ABHD3: variants seen among roughly 807,000 people sequenced by gnomAD.
The protein encoded by ABHD3 is abhydrolase domain containing 3, phospholipase.
ABHD3 carries 46 observed loss-of-function variants against 48.8 expected under a neutral mutation model. The observed-to-expected ratio is 0.94, with a 90% CI of 0.74 to 1.20. The LOEUF (loss-of-function observed/expected upper bound fraction) is 1.20. Among genes scored for constraint, ABHD3 ranks in the 50% most tolerant of loss-of-function variants. The pLI, the probability that ABHD3 is intolerant of heterozygous loss-of-function variation, is 0.00. For missense variants in ABHD3, 490 were observed against 497.8 expected, an observed-to-expected ratio of 0.98 and a Z score of 0.15; for synonymous variants, 192 against 183.7, an observed-to-expected ratio of 1.04 and a Z score of -0.36.
At chr18:21,667,223 A>G (rs933286343) in intron 4 of ABHD3, among the ~76,000 whole-genome samples, 9 of 106,538 alleles carry the variant, frequency 8.4e-5, no homozygotes, top group African/African-American at 2.6e-4. Context: ...ACAGGCGCCC[A>G]CCACCACACC....
At chr18:21,670,752 T>C (rs1190576123) in intron 4 of ABHD3, among the ~76,000 whole-genome samples, 1 of 152,154 alleles carries the variant, frequency 6.6e-6, no homozygotes, top group African/African-American at 2.4e-5. Context: ...TGGTAGCTCA[T>C]ACCTGTAATC....
chr18:21,703,273 A>T (rs985974106), intron 2 of ABHD3, among the ~76,000 whole-genome samples: 2 of 138,108 alleles, frequency 1.4e-5, no homozygotes, highest in Non-Finnish European at 3.1e-5. Context: ...TCATCAAAAG[A>T]TCTGGGTCTT....
At position 21,704,714 on chromosome 18, in the gene ABHD3, G is replaced by GGCGGGCGGGAGGAGAGCCGGCTT. The variant is rs1568170610; in HGVS notation, c.-50_-49insAAGCCGGCTCTCCTCCCGCCCGC. The GGCGGGCGGGAGGAGAGCCGGCTT allele has an allele frequency of 4.1e-6, 5 of 1,210,754 alleles. No homozygotes were observed. Among genetic ancestry groups the GGCGGGCGGGAGGAGAGCCGGCTT allele is most frequent in the Non-Finnish European group, 5.1e-6 (5 of 975,920 alleles). The allele number at this position is 1,210,754 out of a possible 1,614,324, so 75.0% of individuals were successfully genotyped here. ...TCCTGCGGCGGGAGGAGAGCCGGCTGGCGAGCGGGCGAGAGCGGGCGAGAG... is the reference window on the plus strand; with the variant it reads ...TCCTGCGGCGGGAGGAGAGCCGGCTGGCGGGCGGGAGGAGAGCCGGCTTGCGAGCGGGCGAGAGCGGGCGAGAG... On this transcript the variant is annotated 5_prime_UTR_variant, in exon 1 of 9. Coordinates refer to ENST00000289119, the MANE Select transcript of ABHD3 (RefSeq NM_138340.5).
At chr18:21,686,615 T>A (rs2040133967) in intron 3 of ABHD3, among the ~76,000 whole-genome samples, 1 of 152,198 alleles carries the variant, frequency 6.6e-6, no homozygotes, top group Non-Finnish European at 1.5e-5. Flanking sequence ...AGAGGACGAA[T>A]TGTACTCACC....
chr18:21,668,652 T>G (rs2039691346), intron 4 of ABHD3, among the ~76,000 whole-genome samples: 1 of 152,206 alleles, frequency 6.6e-6, no homozygotes, highest in Non-Finnish European at 1.5e-5. Flanking sequence ...AAGAACCTAA[T>G]TCTTGTAAAG....
intron 4 of ABHD3, among the ~76,000 whole-genome samples, chr18:21,670,604 C>T (rs767655632): frequency 5.9e-5 from 9 of 152,170 alleles, no homozygotes; most frequent in Non-Finnish European, 1.2e-4. Flanking sequence ...AGATGCAGAC[C>T]AATGGGATAC....
chr18:21,684,702 T>C (rs1299755571), intron 3 of ABHD3, among the ~76,000 whole-genome samples: 2 of 152,206 alleles, frequency 1.3e-5, no homozygotes, highest in Non-Finnish European at 1.5e-5. Flanking sequence ...CTATTTATAT[T>C]CTAAGAAACA....
At chr18:21,692,573 T>C (rs2040276518) in intron 3 of ABHD3, among the ~76,000 whole-genome samples, 1 of 152,210 alleles carries the variant, frequency 6.6e-6, no homozygotes, top group African/African-American at 2.4e-5. Context: ...AGTTTATTTT[T>C]TAGGTATATT....
At chr18:21,654,754 T>C (rs1212844472) in intron 8 of ABHD3, 1 of 152,204 alleles carries the variant, frequency 6.6e-6, no homozygotes, top group Non-Finnish European at 1.5e-5. Context: ...TGGGCCACAT[T>C]TGAGGCATGT....
At chr18:21,683,557 G>A in intron 4 of ABHD3, 1 of 509,284 alleles carries the variant, frequency 2.0e-6, no homozygotes. Context: ...CCCAGAGTCA[G>A]GAAAAGCTGG....
intron 3 of ABHD3, among the ~76,000 whole-genome samples, chr18:21,689,959 T>C (rs1385981031): frequency 1.3e-5 from 2 of 151,942 alleles, no homozygotes; most frequent in Admixed American, 6.6e-5. Context: ...CAACCCCAAA[T>C]TGCTAGACCA....
At chr18:21,697,074 CTTTTTTTTT>C (rs781661076) in intron 3 of ABHD3, among the ~76,000 whole-genome samples, 3 of 135,716 alleles carry the variant, frequency 2.2e-5, no homozygotes, top group Non-Finnish European at 4.7e-5. Context: ...ATTCTATTAA[CTTTTTTTTT>C]TTTTTTTTTT....
intron 3 of ABHD3, among the ~76,000 whole-genome samples, chr18:21,700,952 C>CAAAAAAAAA (rs34993965): frequency 2.4e-5 from 2 of 81,664 alleles, no homozygotes; most frequent in Admixed American, 1.5e-4. Context: ...GATTTGGCCT[C>CAAAAAAAAA]AAAAAAAAAA....
intron 3 of ABHD3, among the ~76,000 whole-genome samples, chr18:21,687,731 A>C (rs2040159372): frequency 6.6e-6 from 1 of 152,194 alleles, no homozygotes; most frequent in African/African-American, 2.4e-5. Context: ...TGACAAGATA[A>C]CCCATTAACC....
intron 4 of ABHD3, among the ~76,000 whole-genome samples, chr18:21,671,141 C>T (rs531558997): frequency 6.6e-6 from 1 of 152,296 alleles, no homozygotes; most frequent in African/African-American, 2.4e-5. Context: ...GAGTCTCTAT[C>T]ACTGTCTTTT....
chr18:21,663,091 A>T (rs2039539794), intron 5 of ABHD3, among the ~76,000 whole-genome samples: 1 of 152,194 alleles, frequency 6.6e-6, no homozygotes, highest in African/African-American at 2.4e-5. Flanking sequence ...GAAGAAATGT[A>T]TTCTTTTCTT....
intron 8 of ABHD3, 38 bp downstream of exon 8, chr18:21,656,823 G>A: frequency 1.3e-6 from 2 of 1,500,068 alleles, no homozygotes; most frequent in Non-Finnish European, 1.8e-6. Context: ...ATTAAAAGTT[G>A]ATTCATGTCA....
intron 6 of ABHD3, among the ~76,000 whole-genome samples, chr18:21,657,967 G>A (rs2146281602): frequency 6.6e-6 from 1 of 152,200 alleles, no homozygotes; most frequent in South Asian, 2.1e-4. Flanking sequence ...GGAGGCTGAG[G>A]TGGATGGATT....
At position 21,703,713 on chromosome 18, in the gene ABHD3, C is replaced by T; in HGVS notation, c.197G>A (p.Ser66Asn). 1 of 1,614,066 alleles carries T rather than the reference C, an allele frequency of 6.2e-7. No homozygotes were observed. Residue 66 changes from serine to asparagine, a missense_variant, in exon 2 of 9, where the codon AGC becomes AAC. Coordinates refer to ENST00000289119, the MANE Select transcript of ABHD3 (RefSeq NM_138340.5). ...GGGACAGTGGTCTTGAAGGAAGCGG[C>T]TGAAACTCTCACCCCCGGTCACTAA... Reference protein sequence around the residue: ...PQLVTGGESFSRFLQDHCPVV... With the variant: ...PQLVTGGESFNRFLQDHCPVV...
Sources: gnomAD v4.1 joint callset for allele counts (sites outside exome capture counted in the v4.1 genomes callset) on GRCh38, gnomAD v4.1.1 for gene constraint, MANE v1.5 for transcripts, NCBI Gene and HGNC (gene_info 2026-07-23, HGNC 2026-07-21) for gene names.